Variants in PLCB4 observed in about 807,000 individuals in gnomAD.
The protein encoded by PLCB4 is 1-phosphatidylinositol 4,5-bisphosphate phosphodiesterase beta-4.
Under a neutral mutation model 178.8 loss-of-function variants are expected in PLCB4, and 77 were observed. The observed-to-expected ratio is 0.43, with a 90% CI of 0.36 to 0.52. PLCB4 has a LOEUF of 0.52. PLCB4 is among the 20% of genes least tolerant of loss of function. The pLI is 0.00. For synonymous variants in PLCB4, 496 were observed against 490.8 expected (o/e 1.01, Z -0.14); for missense variants, 1,024 against 1,453.4 (o/e 0.70, Z 4.80).
intron 35 of PLCB4, among the ~76,000 whole-genome samples, chr20:9,462,415 T>A (rs1311112335): frequency 2.0e-5 from 3 of 152,208 alleles, no homozygotes; most frequent in African/African-American, 7.2e-5. Flanking sequence ...GGAGAAGGAC[T>A]TTGACAAGTT....
At chr20:9,325,094 A>C (rs937061093) in intron 4 of PLCB4, among the ~76,000 whole-genome samples, 5 of 152,166 alleles carry the variant, frequency 3.3e-5, no homozygotes, top group African/African-American at 1.2e-4. Flanking sequence ...ATTATGCTGG[A>C]ACTAATTGTG....
At chr20:9,189,830 T>A (rs573803268) in intron 2 of PLCB4, among the ~76,000 whole-genome samples, 1 of 152,242 alleles carries the variant, frequency 6.6e-6, no homozygotes, top group South Asian at 2.1e-4. Context: ...TATAAGGCAC[T>A]AATCCCATTA....
chr20:9,257,878 C>G (rs1197838275), intron 3 of PLCB4, among the ~76,000 whole-genome samples: 1 of 152,170 alleles, frequency 6.6e-6, no homozygotes, highest in Non-Finnish European at 1.5e-5. Flanking sequence ...GAGTTGTGGA[C>G]AGACTCCTAT....
chr20:9,135,083 A>T (rs1385345582), intron 2 of PLCB4, among the ~76,000 whole-genome samples: 4 of 152,028 alleles, frequency 2.6e-5, no homozygotes, highest in Non-Finnish European at 4.4e-5. Flanking sequence ...TTCAAGAGGG[A>T]ATGTTAGGGT....
chr20:9,444,133 A>G, intron 31 of PLCB4, 45 bp from the exon 32 acceptor site: 1 of 1,502,870 alleles, frequency 6.7e-7, no homozygotes. Flanking sequence ...GATTACAAAA[A>G]GAAAAAACAA....
intron 1 of PLCB4, among the ~76,000 whole-genome samples, chr20:9,095,968 G>A (rs1202715166): frequency 6.6e-6 from 1 of 152,096 alleles, no homozygotes; most frequent in Admixed American, 6.5e-5. Context: ...TAAGCAAAAT[G>A]TTTGAAAATA....
chr20:9,182,938 C>T lies in PLCB4; in HGVS notation c.-78-34452C>T, dbSNP rs562444336. Among the ~76,000 whole-genome samples, 234 of 152,244 alleles carry T rather than the reference C, an allele frequency of 1.5e-3. 2 individuals are homozygous for T. Among genetic ancestry groups the T allele is most frequent in the African/African-American group, 5.2e-3 (218 of 41,526 alleles). The stretch of plus-strand genomic sequence containing the variant: ...TTCATCATATTTACAAGGAAGAATA[C>T]GCTTACAGGGCCTGAAGCTACCACT... On this transcript the variant is annotated intron_variant, in intron 2 of 39. Coordinates refer to ENST00000378473, the MANE Select transcript of PLCB4 (RefSeq NM_001377142.1).
chr20:9,468,131 T>C (rs2043923486), intron 35 of PLCB4, among the ~76,000 whole-genome samples: 1 of 152,126 alleles, frequency 6.6e-6, no homozygotes, highest in African/African-American at 2.4e-5. Flanking sequence ...ACTGAGATCT[T>C]TATATTTATG....
chr20:9,453,239 G>T, intron 32 of PLCB4, 108 bp from the exon 33 acceptor site: 2 of 671,300 alleles, frequency 3.0e-6, no homozygotes, highest in Admixed American at 2.6e-5. Context: ...GTTATTCCTT[G>T]ACTTTCTAAA....
At position 9,395,630 on chromosome 20, in the gene PLCB4, G is replaced by A; in HGVS notation, c.1510+12G>A. On this transcript the variant is annotated intron_variant, in intron 19 of 39. Transcript: ENST00000378473. Reference sequence around the variant, plus strand: ...GGAGATCGAAAGTGGTGAGCTGTTTGCTTTTATTTTAAGTTACATGCTTTG... The same window carrying A: ...GGAGATCGAAAGTGGTGAGCTGTTTACTTTTATTTTAAGTTACATGCTTTG... 2 of 1,569,554 alleles carry A rather than the reference G, an allele frequency of 1.3e-6. No individual in the cohort carries two copies. The highest frequency in any genetic ancestry group is 1.8e-6 in the Non-Finnish European group (2 of 1,141,024).
In PLCB4 at chr20:9,245,962, G is replaced by A. The variant is rs114257947; in HGVS notation, c.-16+28510G>A. On this transcript the variant is annotated intron_variant, in intron 3 of 39. Coordinates refer to ENST00000378473, the MANE Select transcript of PLCB4 (RefSeq NM_001377142.1). ...CTGCTGTTTTTAAGCTGTCTAGTTG[G>A]TGGTAATTTGTTAAAGCAGCCCGAG... is the stretch of plus-strand genomic sequence containing the variant. 5.6e-3 allele frequency among the ~76,000 whole-genome samples: 853 copies of A among 152,142 alleles called. 9 individuals are homozygous for A. Among genetic ancestry groups the A allele is most frequent in the African/African-American group, 0.019 (775 of 41,516 alleles).
chr20:9,105,741 C>G (rs1443235695), intron 2 of PLCB4, among the ~76,000 whole-genome samples: 1 of 151,984 alleles, frequency 6.6e-6, no homozygotes, highest in Non-Finnish European at 1.5e-5. Context: ...GGTATTGGGA[C>G]ACCTGCAAAG....
chr20:9,479,235 G>C lies in PLCB4; in HGVS notation c.*226G>C. On this transcript the variant is annotated 3_prime_UTR_variant, in exon 40 of 40. Transcript: ENST00000378473. ...CCACAAAAATTTACTATTCCAGTAA[G>C]GCAGAGTCCAACCATTGATAATACA... The C allele has an allele frequency of 1.8e-6, 1 of 543,084 alleles. No homozygotes were observed. The highest frequency in any genetic ancestry group is 2.2e-5 in the South Asian group (1 of 45,348). 33.6% of individuals were successfully genotyped at this position (543,084 alleles called of 1,614,324 possible).
intron 3 of PLCB4, among the ~76,000 whole-genome samples, chr20:9,232,769 T>A (rs926328140): frequency 6.6e-6 from 1 of 152,106 alleles, no homozygotes; most frequent in East Asian, 1.9e-4. Context: ...GTGGGTAAAT[T>A]TTTGTGTATG....
chr20:9,176,666 TCTTA>T (rs1357422993), intron 2 of PLCB4, among the ~76,000 whole-genome samples: 3 of 152,174 alleles, frequency 2.0e-5, no homozygotes, highest in African/African-American at 7.2e-5. Context: ...AAATATAAGA[TCTTA>T]CTTTATGCAT....
chr20:9,098,578 T>C lies in PLCB4; in HGVS notation c.-79+2236T>C, dbSNP rs1026975180. 7.9e-5 allele frequency among the ~76,000 whole-genome samples: 12 copies of C among 151,132 alleles called. No homozygotes were observed. In the South Asian group the frequency reaches 1.5e-3, roughly 19 times the overall value. ...GGAGTATTGTAAAAGTCCTGGAGTATGTGGCAATTAATTCGAAGGATGTCT... is the reference window on the plus strand; with the variant it reads ...GGAGTATTGTAAAAGTCCTGGAGTACGTGGCAATTAATTCGAAGGATGTCT... On this transcript the variant is annotated intron_variant, in intron 2 of 39. Transcript: ENST00000378473.
At chr20:9,282,044 T>A (rs978299297) in intron 3 of PLCB4, among the ~76,000 whole-genome samples, 1 of 151,930 alleles carries the variant, frequency 6.6e-6, no homozygotes, top group Admixed American at 6.6e-5. Flanking sequence ...ACATAATCTT[T>A]CCCTTGTTCC....
intron 2 of PLCB4, among the ~76,000 whole-genome samples, chr20:9,185,654 A>G (rs761915447): frequency 4.6e-5 from 7 of 151,764 alleles, no homozygotes; most frequent in Non-Finnish European, 1.5e-5. Flanking sequence ...TCCTCATCTG[A>G]CTCCGAGTAA....
chr20:9,121,878 TA>T (rs1364345762), intron 2 of PLCB4, among the ~76,000 whole-genome samples: 3 of 152,240 alleles, frequency 2.0e-5, no homozygotes, highest in Non-Finnish European at 4.4e-5. Context: ...ATTTTAGTTA[TA>T]AAATTTGTGA....
Sources: gnomAD v4.1 joint callset for allele counts (sites outside exome capture counted in the v4.1 genomes callset) on GRCh38, gnomAD v4.1.1 for gene constraint, MANE v1.5 for transcripts, NCBI Gene and HGNC (gene_info 2026-07-23, HGNC 2026-07-21) for gene names.